Variants in CDC27 observed in about 807,000 individuals in gnomAD.
The protein encoded by CDC27 is cell division cycle 27, also known as cell division cycle protein 27 homolog.
Under a neutral mutation model 109.7 loss-of-function variants are expected in CDC27, and 27 were observed. The ratio of observed to expected loss-of-function variants is 0.25; its 90% CI spans 0.18 to 0.34. CDC27 has a LOEUF of 0.34. Among genes scored for constraint, CDC27 ranks in the 10% least tolerant of loss-of-function variants. CDC27 has a pLI of 1.00. For missense variants in CDC27, 579 were observed against 960.2 expected (o/e 0.60, Z 5.25); for synonymous variants, 266 against 333.9 (o/e 0.80, Z 2.22).
chr17:47,185,863 T>C (rs1179018710), intron 1 of CDC27, among the ~76,000 whole-genome samples: 1 of 152,254 alleles, frequency 6.6e-6, no homozygotes, highest in East Asian at 1.9e-4. Flanking sequence ...TGGTTCTTAC[T>C]CTGGGCAATT....
chr17:47,134,340 T>G (rs1218968524), intron 14 of CDC27, among the ~76,000 whole-genome samples: 1 of 151,732 alleles, frequency 6.6e-6, no homozygotes, highest in Non-Finnish European at 1.5e-5. Flanking sequence ...CGTCTTGCTC[T>G]GTCGCCCGGG....
intron 1 of CDC27, among the ~76,000 whole-genome samples, chr17:47,186,021 G>C (rs2064421183): frequency 6.6e-6 from 1 of 152,172 alleles, no homozygotes; most frequent in South Asian, 2.1e-4. Flanking sequence ...CAAAGTATTA[G>C]CTTGCCCCAA....
chr17:47,153,548 T>C (rs1304053514), intron 8 of CDC27, among the ~76,000 whole-genome samples: 1 of 152,020 alleles, frequency 6.6e-6, no homozygotes, highest in Non-Finnish European at 1.5e-5. Flanking sequence ...AGTAAAATAG[T>C]AAAAAAACAA....
At chr17:47,161,796 G>A (rs112025751) in intron 4 of CDC27, 1 of 151,600 alleles carries the variant, frequency 6.6e-6, no homozygotes, top group Admixed American at 6.6e-5. Flanking sequence ...ATTGTTTGAG[G>A]ATTATCCTAA....
At chr17:47,179,463 G>A (rs1278953236) in intron 2 of CDC27, among the ~76,000 whole-genome samples, 7 of 152,292 alleles carry the variant, frequency 4.6e-5, no homozygotes, top group Non-Finnish European at 8.8e-5. Flanking sequence ...AGCGGAATCA[G>A]ACAGATTACT....
intron 14 of CDC27, 104 bp downstream of exon 14, chr17:47,137,048 A>G (rs2062627815): frequency 1.7e-6 from 1 of 580,592 alleles, no homozygotes; most frequent in Non-Finnish European, 2.9e-6. Flanking sequence ...ATCCCTAAGT[A>G]TAAGTAACCA....
intron 6 of CDC27, 42 bp downstream of exon 6, chr17:47,157,188 A>G: frequency 6.4e-7 from 1 of 1,570,122 alleles, no homozygotes; most frequent in Non-Finnish European, 8.7e-7. Flanking sequence ...CATTCTTTGT[A>G]GTTTTCATAA....
Position 47,139,001 on chromosome 17 carries a change from T to C in CDC27, c.1552-110A>G, listed in dbSNP as rs2062711419. On this transcript the variant is annotated intron_variant, in intron 12 of 18. Coordinates refer to ENST00000066544, the MANE Select transcript of CDC27 (RefSeq NM_001256.6). Reference sequence around the variant, plus strand: ...AGGATCTAAATGCTGCCTTGTATTATGGTTTTTATGTGAATGAGTATTAAC... The same window carrying C: ...AGGATCTAAATGCTGCCTTGTATTACGGTTTTTATGTGAATGAGTATTAAC... 29 of 685,758 alleles carry C rather than the reference T, an allele frequency of 4.2e-5. No individual in the cohort carries two copies. The South Asian group carries it at 6.4e-4, about 15-fold the overall frequency. The allele number at this position is 685,758 out of a possible 1,614,324, so 42.5% of individuals were successfully genotyped here. A position where few individuals can be genotyped will look rare whatever the true frequency, so the allele number is the denominator to read the frequency against.
chr17:47,169,855 T>A (rs1286858808), intron 4 of CDC27, 62 bp downstream of exon 4: 20 of 1,411,914 alleles, frequency 1.4e-5, no homozygotes, highest in Non-Finnish European at 1.6e-5. Flanking sequence ...ATAGGTTTTT[T>A]AAACTATAAA....
chr17:47,130,602 C>T lies in CDC27; in HGVS notation c.2032-1081G>A, dbSNP rs11570551. ...GTTATAAAGTGGGGTGGGCTGGGCCCGGTGGCTCACGCCTGTAATCCCAGC... is the reference window on the plus strand; with the variant it reads ...GTTATAAAGTGGGGTGGGCTGGGCCTGGTGGCTCACGCCTGTAATCCCAGC... On this transcript the variant is annotated intron_variant, in intron 15 of 18. Coordinates refer to ENST00000066544, the MANE Select transcript of CDC27 (RefSeq NM_001256.6). 5.4e-3 allele frequency among the ~76,000 whole-genome samples: 820 copies of T among 152,052 alleles called. 7 individuals are homozygous for T. Among genetic ancestry groups the T allele is most frequent in the Non-Finnish European group, 9.5e-3 (644 of 67,986 alleles).
chr17:47,181,802 C>G (rs1387257073), intron 1 of CDC27, among the ~76,000 whole-genome samples, 165 bp from the exon 2 acceptor site: 1 of 152,210 alleles, frequency 6.6e-6, no homozygotes, highest in Non-Finnish European at 1.5e-5. Flanking sequence ...CAAGGCTCTT[C>G]ACAGTATGGC....
At chr17:47,189,088 G>A (rs1327026044) in intron 1 of CDC27, 58 bp downstream of exon 1, 2 of 1,583,794 alleles carry the variant, frequency 1.3e-6, no homozygotes, top group Non-Finnish European at 1.7e-6. Flanking sequence ...GTGGCCCTAC[G>A]CTGCTGCTTC....
intron 12 of CDC27, among the ~76,000 whole-genome samples, chr17:47,140,434 GT>G (rs1444433215): frequency 6.6e-6 from 1 of 152,086 alleles, no homozygotes; most frequent in Non-Finnish European, 1.5e-5. Context: ...TTCAGGCATG[GT>G]AACAAGATAA....
intron 17 of CDC27, 75 bp downstream of exon 17, chr17:47,123,811 T>A (rs1216147527): frequency 9.9e-7 from 1 of 1,012,982 alleles, no homozygotes; most frequent in Non-Finnish European, 1.5e-6. Context: ...GTACAGGAAG[T>A]ATTACATTTA....
chr17:47,184,278 C>T (rs1466539184), intron 1 of CDC27, among the ~76,000 whole-genome samples: 2 of 152,168 alleles, frequency 1.3e-5, no homozygotes, highest in Non-Finnish European at 2.9e-5. Context: ...TACTATCATA[C>T]ATTAAGCACT....
chr17:47,177,750 C>G (rs1281150741), intron 2 of CDC27, among the ~76,000 whole-genome samples: 2 of 152,122 alleles, frequency 1.3e-5, no homozygotes, highest in Non-Finnish European at 2.9e-5. Context: ...TTACAATCCT[C>G]TTAGTCTCAT....
In CDC27 at chr17:47,152,264, A is replaced by G. The variant is rs572396621; in HGVS notation, c.958-346T>C. Among the ~76,000 whole-genome samples, 81 of 152,284 alleles carry G rather than the reference A, an allele frequency of 5.3e-4. 1 individual carries two copies. The highest frequency in any genetic ancestry group is 3.9e-4 in the Admixed American group (6 of 15,292). On this transcript the variant is annotated intron_variant, in intron 8 of 18. Transcript: ENST00000066544. ...TCTATTTGGGGTTAAGTACTAAAAA[A>G]TTTTAAGACAGCTAAATTCTCAAGA...
intron 12 of CDC27, among the ~76,000 whole-genome samples, chr17:47,140,724 T>C (rs1163077198): frequency 6.6e-6 from 1 of 152,234 alleles, no homozygotes; most frequent in Non-Finnish European, 1.5e-5. Flanking sequence ...CCTGTCTGTG[T>C]ATATGCTACA....
At chr17:47,156,152 T>C (rs1340299396) in intron 7 of CDC27, among the ~76,000 whole-genome samples, 2 of 152,288 alleles carry the variant, frequency 1.3e-5, no homozygotes, top group South Asian at 4.1e-4. Context: ...TCCAATTTTT[T>C]TTTTGAGATG....
Sources: gnomAD v4.1 joint callset for allele counts (sites outside exome capture counted in the v4.1 genomes callset) on GRCh38, gnomAD v4.1.1 for gene constraint, MANE v1.5 for transcripts, NCBI Gene and HGNC (gene_info 2026-07-23, HGNC 2026-07-21) for gene names.